The following MYH16 variants were observed in gnomAD, a reference collection of about 807,000 sequenced individuals.
MYH16 encodes the protein putative uncharacterized protein MYH16.
At chr7:99,243,953 C>T (rs961308172) in intron 2 of MYH16, among the ~76,000 whole-genome samples, 20 of 151,994 alleles carry the variant, frequency 1.3e-4, no homozygotes, top group Non-Finnish European at 2.1e-4. Context: ...AAACATCTAT[C>T]CATCAACCCA....
intron 12 of MYH16, chr7:99,261,002 G>T (rs1007861662): frequency 6.6e-6 from 1 of 152,166 alleles, no homozygotes. Context: ...GGAAGGCGGA[G>T]GTTGCAGTGA....
downstream of MYH16, among the ~76,000 whole-genome samples, chr7:99,307,056 G>C (rs1477103725): frequency 6.6e-6 from 1 of 152,208 alleles, no homozygotes; most frequent in African/African-American, 2.4e-5. Flanking sequence ...CGGGTGGGGT[G>C]CTGTTCACCT....
At chr7:99,287,748 C>CA (rs1422470212) in intron 28 of MYH16, 144 bp from the exon 10 acceptor site, 1 of 361,158 alleles carries the variant, frequency 2.8e-6, no homozygotes, top group Admixed American at 3.6e-5. Flanking sequence ...CCCCACCCCC[C>CA]AAAGGCTAAA....
chr7:99,260,515 T>C (rs938177704), intron 12 of MYH16: 1 of 344,878 alleles, frequency 2.9e-6, no homozygotes, highest in African/African-American at 2.1e-5. Flanking sequence ...ATGACTACTG[T>C]TTGTTGGGCT....
intron 18 of MYH16, chr7:99,270,880 CTTT>C (rs1161842349): frequency 6.6e-6 from 1 of 152,248 alleles, no homozygotes; most frequent in Non-Finnish European, 1.5e-5. Context: ...AAAAACCCTT[CTTT>C]GATTTAAAAC....
intron 27 of MYH16, 148 bp downstream of exon 9, chr7:99,285,586 G>A (rs1792266452): frequency 2.6e-6 from 1 of 390,478 alleles, no homozygotes; most frequent in Non-Finnish European, 5.1e-6. Context: ...CACCTACTGT[G>A]TGCCAGGGAC....
intron 13 of MYH16, among the ~76,000 whole-genome samples, chr7:99,262,339 C>A (rs185217589): frequency 6.6e-6 from 1 of 152,268 alleles, no homozygotes; most frequent in East Asian, 1.9e-4. Context: ...TGGCATTGGG[C>A]ATCAGGGCCA....
At chr7:99,256,451 AAAGT>A (rs781265673) in intron 9 of MYH16, among the ~76,000 whole-genome samples, 11 of 151,912 alleles carry the variant, frequency 7.2e-5, no homozygotes, top group Non-Finnish European at 1.2e-4. Context: ...CCTGGGCAAC[AAAGT>A]AAGACCCTAT....
chr7:99,306,273 A>C (rs1792677655), intron 41 of MYH16, among the ~76,000 whole-genome samples: 1 of 152,076 alleles, frequency 6.6e-6, no homozygotes, highest in Non-Finnish European at 1.5e-5. Context: ...TCATGCCTGT[A>C]ATCCCAGCAC....
chr7:99,255,769 G>A (rs536416863), intron 9 of MYH16: 5 of 152,678 alleles, frequency 3.3e-5, no homozygotes, highest in Non-Finnish European at 7.3e-5. Flanking sequence ...GGGTGGCAGT[G>A]GGGACAGGAG....
intron 21 of MYH16, among the ~76,000 whole-genome samples, chr7:99,278,551 C>T (rs916278583): frequency 6.6e-6 from 1 of 152,188 alleles, no homozygotes; most frequent in Non-Finnish European, 1.5e-5. Context: ...TATTCCTTCC[C>T]TGATTTTACT....
At chr7:99,247,376 T>C (rs1387852061) in intron 2 of MYH16, among the ~76,000 whole-genome samples, 4 of 152,236 alleles carry the variant, frequency 2.6e-5, no homozygotes, top group Non-Finnish European at 4.4e-5. Flanking sequence ...GGTTTCACCA[T>C]GTTGGTCAGG....
chr7:99,246,247 A>G (rs1791728575), intron 2 of MYH16, among the ~76,000 whole-genome samples: 1 of 151,778 alleles, frequency 6.6e-6, no homozygotes, highest in Non-Finnish European at 1.5e-5. Context: ...AAAGAGAAAG[A>G]AAGAAAAAAA....
chr7:99,274,122 C>T (rs1300230010), intron 20 of MYH16, among the ~76,000 whole-genome samples: 1 of 152,224 alleles, frequency 6.6e-6, no homozygotes, highest in Non-Finnish European at 1.5e-5. Context: ...ATGATAAGGT[C>T]CGACCTCTCA....
chr7:99,239,293 C>T (rs4236542), intron 1 of MYH16, among the ~76,000 whole-genome samples: 108,852 of 152,170 alleles, frequency 0.72, 41,651 homozygotes, highest in Non-Finnish European at 0.86. Flanking sequence ...AAGACAGTAC[C>T]GTGCGTAAGG....
Position 99,280,998 on chromosome 7 carries a change from C to A in MYH16, n.2992+18C>A. 2.7e-6 allele frequency: 1 copy of A among 368,360 alleles called. No individual in the cohort carries two copies. Among genetic ancestry groups the A allele is most frequent in the Non-Finnish European group, 5.4e-6 (1 of 186,560 alleles). The allele number at this position is 368,360 out of a possible 1,614,324, so 22.8% of individuals were successfully genotyped here. A position where few individuals can be genotyped will look rare whatever the true frequency, so the allele number is the denominator to read the frequency against. On this transcript the variant is annotated intron_variant and non_coding_transcript_variant, in intron 23 of 41. Coordinates refer to ENST00000439784, the Ensembl canonical transcript of MYH16. ...TGCACCAGGTAGGTTTCCCTTGCAT[C>A]TTCCCTCAGCCCAGCAGCTAGAGCT...
At chr7:99,291,590 C>T (rs557452312) in intron 31 of MYH16, 140 bp downstream of exon 12, 51 of 343,162 alleles carry the variant, frequency 1.5e-4, no homozygotes, top group African/African-American at 9.5e-4. Context: ...GCCAGGAGTT[C>T]GAGACCAGCC....
chr7:99,308,168 GC>G (rs1350524524), downstream of MYH16, among the ~76,000 whole-genome samples: 1 of 151,666 alleles, frequency 6.6e-6, no homozygotes, highest in Non-Finnish European at 1.5e-5. Flanking sequence ...GATGGCACAC[GC>G]CTGTAATCCC....
chr7:99,297,138 A>ATGGC (rs1792511383), intron 34 of MYH16, among the ~76,000 whole-genome samples: 1 of 152,146 alleles, frequency 6.6e-6, no homozygotes, highest in Non-Finnish European at 1.5e-5. Context: ...CTCATCTATA[A>ATGGC]AATGAGGAAA....
Sources: allele counts gnomAD v4.1 joint callset (sites outside exome capture counted in the v4.1 genomes callset), GRCh38; gene constraint gnomAD v4.1.1; transcripts MANE v1.5; gene names NCBI Gene and HGNC (gene_info 2026-07-23, HGNC 2026-07-21).